Variants in GRIA2 observed in about 807,000 individuals in gnomAD.
GRIA2 encodes the protein glutamate receptor 2.
In GRIA2, 14 loss-of-function variants were observed where a neutral mutation model predicts 97.3. That is an observed-to-expected ratio of 0.14 (90% CI 0.10 to 0.23). GRIA2 has a LOEUF of 0.23. Among genes scored for constraint, GRIA2 ranks in the 10% least tolerant of loss-of-function variants. GRIA2 has a pLI of 1.00. For missense variants in GRIA2, 558 were observed against 1,069.8 expected (o/e 0.52, Z 6.67); for synonymous variants, 412 against 387.8 (o/e 1.06, Z -0.73).
chr4:157,230,579 T>TTCTTTCC (rs1554005283), intron 2 of GRIA2, among the ~76,000 whole-genome samples: 6,574 of 135,788 alleles, frequency 0.048, 562 homozygotes, highest in African/African-American at 0.13. Context: ...TCCTTCCTTC[T>TTCTTTCC]TTCCTTCCTT....
intron 4 of GRIA2, among the ~76,000 whole-genome samples, chr4:157,317,440 G>T (rs974856900): frequency 6.6e-6 from 1 of 152,048 alleles, no homozygotes; most frequent in African/African-American, 2.4e-5. Flanking sequence ...TCCTGAAAGA[G>T]AATCATTTAT....
At chr4:157,352,688 C>G (rs1406203778) in intron 12 of GRIA2, among the ~76,000 whole-genome samples, 1 of 145,266 alleles carries the variant, frequency 6.9e-6, no homozygotes, top group African/African-American at 2.6e-5. Flanking sequence ...CCATTGCACT[C>G]CAGCCTAGGC....
intron 2 of GRIA2, among the ~76,000 whole-genome samples, chr4:157,243,198 AG>A (rs899913526): frequency 2.6e-5 from 4 of 152,082 alleles, no homozygotes; most frequent in African/African-American, 9.7e-5. Flanking sequence ...ATTGATTTTG[AG>A]GTTACAAATA....
chr4:157,245,272 AG>A (rs1449515223), intron 2 of GRIA2, among the ~76,000 whole-genome samples: 1 of 151,972 alleles, frequency 6.6e-6, no homozygotes, highest in Non-Finnish European at 1.5e-5. Context: ...CATATACTTC[AG>A]GGTTTGTTTC....
At chr4:157,267,525 C>G (rs1195346505) in intron 2 of GRIA2, among the ~76,000 whole-genome samples, 3 of 151,854 alleles carry the variant, frequency 2.0e-5, no homozygotes, top group Non-Finnish European at 2.9e-5. Context: ...CATCCTGCTG[C>G]TGTTATTGAC....
At position 157,315,160 on chromosome 4, in the gene GRIA2, A is replaced by G. The variant is rs78855928; in HGVS notation, c.666+2285A>G. Among the ~76,000 whole-genome samples the G allele has an allele frequency of 7.9e-4, 121 of 152,334 alleles. 1 individual carries two copies. In the East Asian group the frequency reaches 0.023, roughly 29 times the overall value. On this transcript the variant is annotated intron_variant, in intron 4 of 15. Transcript: ENST00000264426. ...ATGTTTGCCAGGCAGGCACTGCAGT[A>G]GATCCAAGGAAGCAATGTTAAACAA...
chr4:157,349,322 A>G (rs1335766754), intron 12 of GRIA2, among the ~76,000 whole-genome samples: 24 of 151,918 alleles, frequency 1.6e-4, no homozygotes, highest in Admixed American at 1.6e-3. Context: ...CTTTTATGTT[A>G]CTTCCTGCGT....
At chr4:157,226,393 C>A (rs1489490818) in intron 2 of GRIA2, among the ~76,000 whole-genome samples, 1 of 151,946 alleles carries the variant, frequency 6.6e-6, no homozygotes, top group Non-Finnish European at 1.5e-5. Flanking sequence ...TTAAAAATAA[C>A]TTTCATTGCC....
chr4:157,259,892 T>G (rs558926278), intron 2 of GRIA2, among the ~76,000 whole-genome samples: 2 of 152,268 alleles, frequency 1.3e-5, no homozygotes, highest in African/African-American at 4.8e-5. Flanking sequence ...TGTATTTGAT[T>G]ACACATATTT....
chr4:157,304,121 G>T (rs1000495990), intron 3 of GRIA2, among the ~76,000 whole-genome samples: 5 of 152,214 alleles, frequency 3.3e-5, no homozygotes, highest in Non-Finnish European at 7.3e-5. Flanking sequence ...CAAGGTGAAT[G>T]AAGTGGCTTG....
At chr4:157,347,588 A>C (rs997266776) in intron 12 of GRIA2, among the ~76,000 whole-genome samples, 2 of 152,192 alleles carry the variant, frequency 1.3e-5, no homozygotes, top group Non-Finnish European at 2.9e-5. Context: ...TAATTTCAGA[A>C]TAAATTGTAC....
chr4:157,254,712 C>A (rs1731165361), intron 2 of GRIA2, among the ~76,000 whole-genome samples: 1 of 151,984 alleles, frequency 6.6e-6, no homozygotes, highest in African/African-American at 2.4e-5. Flanking sequence ...TTAACTTAAT[C>A]AAATGTGTGT....
rs145948129 is a variant in GRIA2 at position 157,363,418 on chromosome 4, C to T, written c.*4-17C>T. On this transcript the variant is annotated splice_polypyrimidine_tract_variant and intron_variant, in intron 15 of 15. Coordinates refer to ENST00000264426, the MANE Select transcript of GRIA2 (RefSeq NM_001083619.3). ...GTATGATTTCTTTTTCTTTCTTTCC[C>T]TCCTCTCTCATTTAAGATGACCTTG... The T allele has an allele frequency of 1.6e-6, 2 of 1,240,878 alleles. No homozygotes were observed. The highest frequency in any genetic ancestry group is 2.0e-6 in the Non-Finnish European group (2 of 989,210). 76.9% of individuals were successfully genotyped at this position (1,240,878 alleles called of 1,614,324 possible).
intron 2 of GRIA2, among the ~76,000 whole-genome samples, chr4:157,263,436 A>T (rs528334828): frequency 6.6e-6 from 1 of 152,188 alleles, no homozygotes; most frequent in Non-Finnish European, 1.5e-5. Context: ...CGAAAACAGT[A>T]TACCAAAAAA....
At chr4:157,268,836 G>T (rs1212822814) in intron 2 of GRIA2, among the ~76,000 whole-genome samples, 1 of 151,814 alleles carries the variant, frequency 6.6e-6, no homozygotes, top group East Asian at 1.9e-4. Flanking sequence ...AAAATAGAAA[G>T]AATTTAAAAA....
chr4:157,330,118 C>T (rs996816686), intron 6 of GRIA2, among the ~76,000 whole-genome samples: 6 of 151,906 alleles, frequency 3.9e-5, no homozygotes, highest in African/African-American at 1.2e-4. Flanking sequence ...CCCTACCTTC[C>T]TTTTCAACGC....
At chr4:157,329,492 A>G (rs6849101) in intron 6 of GRIA2, among the ~76,000 whole-genome samples, 140,076 of 151,968 alleles carry the variant, frequency 0.92, 64,807 homozygotes, top group East Asian at 1. Flanking sequence ...TTGGTCATTA[A>G]TTTGGGAAAT....
At chr4:157,340,510 A>G (rs1420194032) in intron 11 of GRIA2, among the ~76,000 whole-genome samples, 1 of 152,002 alleles carries the variant, frequency 6.6e-6, no homozygotes, top group African/African-American at 2.4e-5. Context: ...TTATTTTATT[A>G]TACATCAAAC....
At chr4:157,358,912 C>T (rs1736513904) in intron 12 of GRIA2, among the ~76,000 whole-genome samples, 1 of 152,070 alleles carries the variant, frequency 6.6e-6, no homozygotes. Flanking sequence ...AACAAACCCC[C>T]CCCAAACCTC....
Sources: gnomAD v4.1 joint callset for allele counts (sites outside exome capture counted in the v4.1 genomes callset) on GRCh38, gnomAD v4.1.1 for gene constraint, MANE v1.5 for transcripts, NCBI Gene and HGNC (gene_info 2026-07-23, HGNC 2026-07-21) for gene names.